The following GUCA1C variants were observed in gnomAD, a reference collection of about 807,000 sequenced individuals.
GUCA1C encodes the protein guanylyl cyclase-activating protein 3.
Under a neutral mutation model 16.2 loss-of-function variants are expected in GUCA1C, and 15 were observed. The observed-to-expected ratio is 0.93, with a 90% CI of 0.62 to 1.43. The LOEUF (loss-of-function observed/expected upper bound fraction) is 1.43, where lower values mean the gene tolerates loss of function less well. GUCA1C is among the 40% of genes most tolerant of loss of function. The pLI is 0.00. For missense variants in GUCA1C, 275 were observed against 244.8 expected, an observed-to-expected ratio of 1.12 and a Z score of -0.82; for synonymous variants, 78 against 85.4, an observed-to-expected ratio of 0.91 and a Z score of 0.48.
At chr3:108,932,777 C>T (rs909504075) in intron 1 of GUCA1C, among the ~76,000 whole-genome samples, 8 of 151,890 alleles carry the variant, frequency 5.3e-5, no homozygotes, top group African/African-American at 1.7e-4. Context: ...CAGAATTAGC[C>T]GGGCGTGGCG....
intron 1 of GUCA1C, among the ~76,000 whole-genome samples, chr3:108,938,642 AAC>A (rs778289034): frequency 2.6e-5 from 4 of 152,232 alleles, no homozygotes; most frequent in Admixed American, 6.5e-5. Context: ...ATTAGCAGCA[AAC>A]ACAGTCTCTA....
chr3:108,944,530 T>C (rs958143616), intron 1 of GUCA1C, among the ~76,000 whole-genome samples: 2 of 152,130 alleles, frequency 1.3e-5, no homozygotes, highest in African/African-American at 4.8e-5. Flanking sequence ...CTGCATGCTG[T>C]TTGTAAGTGA....
chr3:108,908,077 G>T lies in GUCA1C; in HGVS notation c.575C>A (p.Thr192Lys). The T allele has an allele frequency of 6.2e-7, 1 of 1,613,824 alleles. No homozygotes were observed. Among genetic ancestry groups the T allele is most frequent in the Non-Finnish European group, 8.5e-7 (1 of 1,179,784 alleles). The change falls in exon 4 of 4, where the codon ACA becomes AAA. Residue 192 changes from threonine (T) to lysine (K), a missense_variant. Transcript: ENST00000261047. ...CTTGTCAGGAGATTTGGAGGAGTCT[G>T]TCTCCATGTCTGGCTGCTTCCCATT... Reference protein sequence around the residue: ...ICNGKQPDMETDSSKSPDKAG... With the variant: ...ICNGKQPDMEKDSSKSPDKAG...
At chr3:108,924,365 T>C (rs1946600182) in intron 1 of GUCA1C, among the ~76,000 whole-genome samples, 1 of 152,184 alleles carries the variant, frequency 6.6e-6, no homozygotes, top group African/African-American at 2.4e-5. Flanking sequence ...GATGCTAGAT[T>C]TTGTCAAATG....
At chr3:108,938,025 G>A (rs929505151) in intron 1 of GUCA1C, among the ~76,000 whole-genome samples, 3 of 151,356 alleles carry the variant, frequency 2.0e-5, no homozygotes, top group East Asian at 1.9e-4. Flanking sequence ...AGCCGAGATC[G>A]CACCACTGCA....
chr3:108,933,785 A>T (rs1412020753), intron 1 of GUCA1C, among the ~76,000 whole-genome samples: 2 of 152,118 alleles, frequency 1.3e-5, no homozygotes, highest in African/African-American at 4.8e-5. Flanking sequence ...TTTCTCAAAG[A>T]CCTTAAAACA....
In GUCA1C at chr3:108,933,677, A is replaced by C. The variant is rs114764091; in HGVS notation, c.205-13092T>G. On this transcript the variant is annotated intron_variant, in intron 1 of 3. Transcript: ENST00000261047. ...ATGCCTATTATTAAAAAGTTAAAAAACAGTAGAGGCTGGTGAGGCTGCAGA... is the reference window on the plus strand; with the variant it reads ...ATGCCTATTATTAAAAAGTTAAAAACCAGTAGAGGCTGGTGAGGCTGCAGA... Among the ~76,000 whole-genome samples, 272 of 152,312 alleles carry C rather than the reference A, an allele frequency of 1.8e-3. 2 individuals carry two copies. Among genetic ancestry groups the C allele is most frequent in the Middle Eastern group, 6.8e-3 (2 of 294 alleles).
At chr3:108,934,878 A>C (rs1367340178) in intron 1 of GUCA1C, among the ~76,000 whole-genome samples, 1 of 124,546 alleles carries the variant, frequency 8.0e-6, no homozygotes, top group African/African-American at 3.1e-5. Context: ...CAGTGGCGCT[A>C]TCTCAGCTCA....
chr3:108,917,972 G>A (rs1176732689), intron 2 of GUCA1C, among the ~76,000 whole-genome samples: 1 of 152,180 alleles, frequency 6.6e-6, no homozygotes, highest in Non-Finnish European at 1.5e-5. Context: ...TTGAATCCAG[G>A]AGGTGGAGGT....
chr3:108,936,992 C>T (rs1946733526), intron 1 of GUCA1C, among the ~76,000 whole-genome samples: 1 of 152,118 alleles, frequency 6.6e-6, no homozygotes, highest in Non-Finnish European at 1.5e-5. Context: ...GAATCCTTAG[C>T]CCTCTGCCAC....
At chr3:108,912,258 T>G (rs148652260) in intron 3 of GUCA1C, among the ~76,000 whole-genome samples, 1 of 151,912 alleles carries the variant, frequency 6.6e-6, no homozygotes, top group Non-Finnish European at 1.5e-5. Flanking sequence ...CACTTGATGT[T>G]GTGAACACCT....
chr3:108,922,851 T>C (rs1397718548), intron 1 of GUCA1C, among the ~76,000 whole-genome samples: 3 of 152,160 alleles, frequency 2.0e-5, no homozygotes, highest in Non-Finnish European at 2.9e-5. Flanking sequence ...GGCCCCTCCC[T>C]GTGTCCATGT....
At chr3:108,919,957 T>A (rs1029183553) in intron 2 of GUCA1C, among the ~76,000 whole-genome samples, 1 of 152,166 alleles carries the variant, frequency 6.6e-6, no homozygotes, top group African/African-American at 2.4e-5. Flanking sequence ...CAGTGGCTTA[T>A]AAAGGCACTT....
chr3:108,925,752 T>C (rs1169993021), intron 1 of GUCA1C, among the ~76,000 whole-genome samples: 1 of 152,210 alleles, frequency 6.6e-6, no homozygotes, highest in Non-Finnish European at 1.5e-5. Context: ...TGTGTTGCCA[T>C]CTATTTCATT....
At chr3:108,947,468 T>C (rs557364049) in intron 1 of GUCA1C, among the ~76,000 whole-genome samples, 1 of 152,298 alleles carries the variant, frequency 6.6e-6, no homozygotes. Flanking sequence ...CTGTGTATCA[T>C]ACCATAGCAT....
intron 1 of GUCA1C, among the ~76,000 whole-genome samples, chr3:108,938,375 A>G (rs559855676): frequency 2.0e-5 from 3 of 152,222 alleles, no homozygotes; most frequent in Non-Finnish European, 2.9e-5. Context: ...GCAACATATG[A>G]TTGAAATGTC....
intron 1 of GUCA1C, among the ~76,000 whole-genome samples, chr3:108,940,771 A>G (rs1338113362): frequency 6.6e-6 from 1 of 152,208 alleles, no homozygotes; most frequent in African/African-American, 2.4e-5. Context: ...TTACAGACAA[A>G]CATTCCATTC....
chr3:108,917,885 A>C (rs1946533355), intron 2 of GUCA1C, among the ~76,000 whole-genome samples: 1 of 152,090 alleles, frequency 6.6e-6, no homozygotes, highest in Admixed American at 6.5e-5. Context: ...TTTCTACTAA[A>C]AATACAAAAA....
At position 108,910,476 on chromosome 3, in the gene GUCA1C, T is replaced by C. The variant is rs12633547; in HGVS notation, c.443-2267A>G. 7.3e-5 allele frequency among the ~76,000 whole-genome samples: 11 copies of C among 150,142 alleles called. No individual in the cohort carries two copies. In the East Asian group the frequency reaches 1.2e-3, roughly 16 times the overall value. On this transcript the variant is annotated intron_variant, in intron 3 of 3. Coordinates refer to ENST00000261047, the MANE Select transcript of GUCA1C (RefSeq NM_005459.4). ...TGGCGCCACTGCACTCCAGCCTGGG[T>C]GACACAGCGAGACTGTCTGAAAAAA...
Sources: allele counts gnomAD v4.1 joint callset (sites outside exome capture counted in the v4.1 genomes callset), GRCh38; gene constraint gnomAD v4.1.1; transcripts MANE v1.5; gene names NCBI Gene and HGNC (gene_info 2026-07-23, HGNC 2026-07-21).